The following SLF1 variants were observed in gnomAD, a reference collection of about 807,000 sequenced individuals.
The protein encoded by SLF1 is SMC5/6 complex localization factor 1, also known as SMC5-SMC6 complex localization factor protein 1.
Under a neutral mutation model 123.0 loss-of-function variants are expected in SLF1, and 105 were observed. That is an observed-to-expected ratio of 0.85 (90% CI 0.73 to 1.00). The LOEUF (loss-of-function observed/expected upper bound fraction) is 1.00. Among genes scored for constraint, SLF1 ranks in the 50% least tolerant of loss-of-function variants. SLF1 has a pLI of 0.00. For missense variants in SLF1, 1,239 were observed against 1,223.0 expected, an observed-to-expected ratio of 1.01 and a Z score of -0.20; for synonymous variants, 434 against 406.6, an observed-to-expected ratio of 1.07 and a Z score of -0.81.
chr5:94,688,384 T>A, intron 16 of SLF1, 122 bp from the exon 17 acceptor site: 1 of 950,418 alleles, frequency 1.1e-6, no homozygotes, highest in South Asian at 1.9e-5. Flanking sequence ...CAAGATAGAG[T>A]GGCAACCATA....
intron 15 of SLF1, among the ~76,000 whole-genome samples, chr5:94,685,911 C>T (rs1314930395): frequency 1.3e-5 from 2 of 151,644 alleles, no homozygotes; most frequent in East Asian, 1.9e-4. Context: ...TATACATGCT[C>T]GTTTCATGTT....
In SLF1 at chr5:94,695,998, C is replaced by T. The variant is rs1753489623; in HGVS notation, c.*686C>T. ...TCGCTGCCCTATGTAACCCAGTATT[C>T]TGTACCTGAAAACATTCTGCTGCAT... On this transcript the variant is annotated 3_prime_UTR_variant, in exon 21 of 21. Coordinates refer to ENST00000265140, the MANE Select transcript of SLF1 (RefSeq NM_032290.4). The T allele has an allele frequency of 6.6e-6, 1 of 151,760 alleles. No individual in the cohort carries two copies. Among genetic ancestry groups the T allele is most frequent in the South Asian group, 2.1e-4 (1 of 4,836 alleles). The allele number at this position is 151,760 out of a possible 1,614,324, so 9.4% of individuals were successfully genotyped here.
At position 94,676,336 on chromosome 5, in the gene SLF1, G is replaced by T. The variant is rs189147344; in HGVS notation, c.1828-2472G>T. ...TTACAGAGAATGGAGTTGATTTCCT[G>T]CAGTGTTTTCTGGAGACTAGCACTA... On this transcript the variant is annotated intron_variant, in intron 14 of 20. Transcript: ENST00000265140. Among the ~76,000 whole-genome samples, 157 of 152,306 alleles carry T rather than the reference G, an allele frequency of 1.0e-3. 2 individuals carry two copies. The highest frequency in any genetic ancestry group is 9.3e-3 in the Admixed American group (143 of 15,298).
At chr5:94,642,603 AG>A (rs1233595496) in intron 4 of SLF1, among the ~76,000 whole-genome samples, 1 of 152,068 alleles carries the variant, frequency 6.6e-6, no homozygotes, top group Non-Finnish European at 1.5e-5. Flanking sequence ...AGGATTTTGT[AG>A]ATTATTTGGC....
intron 4 of SLF1, among the ~76,000 whole-genome samples, chr5:94,639,230 G>C (rs557253348): frequency 6.6e-6 from 1 of 151,736 alleles, no homozygotes; most frequent in Non-Finnish European, 1.5e-5. Context: ...ATTAGAAACG[G>C]GGTTTCACCA....
intron 4 of SLF1, among the ~76,000 whole-genome samples, chr5:94,641,326 C>G (rs1746425637): frequency 7.1e-6 from 1 of 140,400 alleles, no homozygotes; most frequent in Admixed American, 6.9e-5. Flanking sequence ...CACATGGTCT[C>G]TCTTGCTCTT....
intron 14 of SLF1, 34 bp downstream of exon 14, chr5:94,671,042 TGG>T: frequency 7.2e-7 from 1 of 1,383,086 alleles, no homozygotes; most frequent in Non-Finnish European, 9.9e-7. Flanking sequence ...GAATAGTCTA[TGG>T]AAACAGCACT....
intron 15 of SLF1, 142 bp from the exon 16 acceptor site, chr5:94,686,431 T>C: frequency 1.1e-6 from 1 of 877,290 alleles, no homozygotes; most frequent in Non-Finnish European, 1.7e-6. Context: ...GACCTATTTT[T>C]TGTGGATTAA....
chr5:94,670,352 T>A, intron 13 of SLF1, 73 bp downstream of exon 13: 1 of 1,104,132 alleles, frequency 9.1e-7, no homozygotes, highest in Non-Finnish European at 1.2e-6. Flanking sequence ...TTTTTACAAT[T>A]ATTATAAATA....
At chr5:94,655,839 G>GATTTTTTTTTTGTC (rs1748305764) in intron 9 of SLF1, among the ~76,000 whole-genome samples, 1 of 151,658 alleles carries the variant, frequency 6.6e-6, no homozygotes, top group African/African-American at 2.4e-5. Context: ...AGTTTTAAGT[G>GATTTTTTTTTTGTC]ATTTTTTTTT....
At chr5:94,625,086 A>G (rs1033225445) in intron 1 of SLF1, among the ~76,000 whole-genome samples, 6 of 151,392 alleles carry the variant, frequency 4.0e-5, no homozygotes, top group African/African-American at 1.2e-4. Flanking sequence ...CCAGCTACTC[A>G]GGAGGCTGAG....
chr5:94,666,649 T>C (rs1303610524), intron 12 of SLF1, among the ~76,000 whole-genome samples: 1 of 152,158 alleles, frequency 6.6e-6, no homozygotes, highest in African/African-American at 2.4e-5. Flanking sequence ...ATCTTTTCTT[T>C]TTTTGAGACA....
intron 1 of SLF1, among the ~76,000 whole-genome samples, chr5:94,621,836 C>A (rs1472381009): frequency 1.3e-5 from 2 of 151,964 alleles, no homozygotes; most frequent in Non-Finnish European, 2.9e-5. Context: ...GTAAGAACAG[C>A]CCTCAAGTCT....
At position 94,653,318 on chromosome 5, in the gene SLF1, T is replaced by G. The variant is rs1451200461; in HGVS notation, c.929T>G (p.Leu310Trp). ...KDEDIQRSYTLRRKRKKGKES... is the reference protein window; with the variant it reads ...KDEDIQRSYTWRRKRKKGKES... The stretch of plus-strand genomic sequence containing the variant: ...GAAGATATTCAGAGGAGTTATACTT[T>G]GAGGAGAAAACGCAAGAAAGGAAAA... The change falls in exon 8 of 21, where the codon TTG becomes TGG. Residue 310 changes from leucine (L) to tryptophan (W), a missense_variant. Leu to Trp is a moderately conservative substitution (Grantham distance 61, BLOSUM62 -2). Transcript: ENST00000265140. 1 of 1,530,196 alleles carries G rather than the reference T, an allele frequency of 6.5e-7. No individual in the cohort carries two copies. Among genetic ancestry groups the G allele is most frequent in the Admixed American group, 2.3e-5 (1 of 44,320 alleles). 94.8% of individuals were successfully genotyped at this position (1,530,196 alleles called of 1,614,324 possible). A position where few individuals can be genotyped will look rare whatever the true frequency, so the allele number is the denominator to read the frequency against.
chr5:94,669,232 G>A (rs1248556191), intron 12 of SLF1, among the ~76,000 whole-genome samples: 3 of 152,086 alleles, frequency 2.0e-5, no homozygotes, highest in African/African-American at 7.2e-5. Flanking sequence ...TTTTCAGAAA[G>A]ACTGATTAAC....
At chr5:94,676,835 G>A (rs1025214750) in intron 14 of SLF1, among the ~76,000 whole-genome samples, 1 of 152,128 alleles carries the variant, frequency 6.6e-6, no homozygotes, top group Admixed American at 6.5e-5. Context: ...TTAAACTTTG[G>A]TTTTGAAATC....
chr5:94,635,330 T>G (rs1387161667), intron 4 of SLF1, among the ~76,000 whole-genome samples: 3 of 146,508 alleles, frequency 2.0e-5, no homozygotes, highest in African/African-American at 7.5e-5. Flanking sequence ...AGGCAGTACA[T>G]ACTCGGCTTT....
intron 1 of SLF1, among the ~76,000 whole-genome samples, chr5:94,628,019 G>T (rs914288635): frequency 3.1e-4 from 47 of 152,218 alleles, no homozygotes; most frequent in Admixed American, 9.2e-4. Context: ...TGGAGACAGG[G>T]TTTCACCATG....
At chr5:94,646,485 T>G (rs1406067912) in intron 5 of SLF1, among the ~76,000 whole-genome samples, 2 of 152,204 alleles carry the variant, frequency 1.3e-5, no homozygotes, top group Non-Finnish European at 2.9e-5. Flanking sequence ...GCATGGACAC[T>G]GTTACTTGCA....
Sources: allele counts gnomAD v4.1 joint callset (sites outside exome capture counted in the v4.1 genomes callset), GRCh38; gene constraint gnomAD v4.1.1; transcripts MANE v1.5; gene names NCBI Gene and HGNC (gene_info 2026-07-23, HGNC 2026-07-21).